The following RPGRIP1 variants were observed in gnomAD, a reference collection of about 807,000 sequenced individuals.
RPGRIP1 encodes RPGR interacting protein 1.
A neutral mutation model predicts 157.9 loss-of-function variants in RPGRIP1; 128 were observed. The ratio of observed to expected loss-of-function variants is 0.81; its 90% CI spans 0.70 to 0.94. The LOEUF is 0.94. Among genes scored for constraint, RPGRIP1 ranks in the 40% least tolerant of loss-of-function variants. RPGRIP1 has a pLI of 0.00. For missense variants in RPGRIP1, 1,486 were observed against 1,545.8 expected (o/e 0.96, Z 0.65); for synonymous variants, 554 against 571.6 (o/e 0.97, Z 0.44).
intron 11 of RPGRIP1, among the ~76,000 whole-genome samples, chr14:21,319,407 C>T (rs566066633): frequency 1.2e-3 from 190 of 152,188 alleles, no homozygotes; most frequent in Middle Eastern, 3.4e-3. Context: ...ACTAAAAACA[C>T]GAAAATTAGC....
chr14:21,319,875 T>G, intron 11 of RPGRIP1, 142 bp from the exon 12 acceptor site: 1 of 851,642 alleles, frequency 1.2e-6, no homozygotes, highest in Non-Finnish European at 1.8e-6. Context: ...AGTCCTCCTC[T>G]GTAGAAATAA....
rs781016864 is a variant in RPGRIP1, at chr14:21,321,321, A to G, written c.1530A>G (p.Val510=). ...KLSQVLNELQ[V]SHAETTLELE... is the part of the protein sequence containing the mutation. ...CCCAGGTGCTAAATGAGTTGCAAGT[A>G]TCACACGCAGAGACCACATTGGAAC... Residue 510 remains valine (V), a synonymous_variant, in exon 13 of 25, where the codon GTA becomes GTG. Transcript: ENST00000400017. 6.2e-7 allele frequency: 1 copy of G among 1,614,038 alleles called. No individual in the cohort carries two copies. Among genetic ancestry groups the G allele is most frequent in the South Asian group, 1.1e-5 (1 of 91,078 alleles).
intron 22 of RPGRIP1, among the ~76,000 whole-genome samples, 174 bp downstream of exon 22, chr14:21,343,402 A>G (rs1331312702): frequency 6.6e-6 from 1 of 152,212 alleles, no homozygotes; most frequent in Non-Finnish European, 1.5e-5. Context: ...TAAACATTTT[A>G]CATGAAGCAG....
rs1882902603 is a variant in RPGRIP1 at position 21,324,934 on chromosome 14, C to G, written c.2079C>G (p.Tyr693Ter). Residue 693 changes from tyrosine (Y) to a stop codon, truncating the protein, a stop_gained, in exon 15 of 25, where the codon TAC (tyrosine) becomes TAG (stop). Transcript: ENST00000400017. LOFTEE classifies it high-confidence loss of function. ...VMETDSLFLH[Y>*]LQEASARLDI... ...AGACAGATTCGCTTTTCTTACACTACCTTCAAGAGGCTTCAGCCCGGCTTG... is the reference window on the plus strand; with the variant it reads ...AGACAGATTCGCTTTTCTTACACTAGCTTCAAGAGGCTTCAGCCCGGCTTG... 6.2e-7 allele frequency: 1 copy of G among 1,614,026 alleles called. No homozygotes were observed. The highest frequency in any genetic ancestry group is 2.2e-5 in the East Asian group (1 of 44,892).
Position 21,310,612 on chromosome 14 carries a change from T to G in RPGRIP1, c.930+5T>G, listed in dbSNP as rs1881502058. The G allele has an allele frequency of 6.9e-7, 1 of 1,455,608 alleles. No homozygotes were observed. Among genetic ancestry groups the G allele is most frequent in the Admixed American group, 2.3e-5 (1 of 43,630 alleles). 90.2% of individuals were successfully genotyped at this position (1,455,608 alleles called of 1,614,324 possible). ...TACGAAACCTTGCTCCAGAAGGTAC[T>G]TAATGAGAATTGAGTCTCTGTTTCT... is the stretch of plus-strand genomic sequence containing the variant. On this transcript the variant is annotated splice_donor_5th_base_variant and intron_variant, in intron 8 of 24. Coordinates refer to ENST00000400017, the MANE Select transcript of RPGRIP1 (RefSeq NM_020366.4).
At position 21,311,840 on chromosome 14, in the gene RPGRIP1, G is replaced by A; in HGVS notation, c.947G>A (p.Ser316Asn). The A allele has an allele frequency of 6.2e-7, 1 of 1,606,978 alleles. No individual in the cohort carries two copies. Among genetic ancestry groups the A allele is most frequent in the Non-Finnish European group, 8.5e-7 (1 of 1,177,564 alleles). The part of the protein sequence containing the change: ...TLLQKNQGIL[S>N]AAHEALLKQV... ...TTGACCCAGAATCAGGGAATCCTGA[G>A]TGCAGCCCATGAGGCCCTCCTCAAG... is the stretch of plus-strand genomic sequence containing the variant. The change falls in exon 9 of 25, where the codon AGT becomes AAT. Residue 316 changes from serine (S) to asparagine (N), a missense_variant. Ser to Asn is a conservative substitution (Grantham distance 46). Transcript: ENST00000400017.
Position 21,286,447 on chromosome 14 carries a change from T to C in RPGRIP1, c.-38-1492T>C, listed in dbSNP as rs189969051. Among the ~76,000 whole-genome samples the C allele has an allele frequency of 1.0e-3, 154 of 151,004 alleles. 2 individuals carry two copies. The Middle Eastern group carries it at 0.034, about 33-fold the overall frequency. ...TGGTAAGATAAATCAAAATTCCTGT[T>C]GGGGAAAAGTGAATTTGAGATATCT... On this transcript the variant is annotated intron_variant, in intron 1 of 24. Transcript: ENST00000400017.
At chr14:21,294,541 C>G (rs1880679257) in intron 2 of RPGRIP1, 136 bp from the exon 3 acceptor site, 13 of 877,602 alleles carry the variant, frequency 1.5e-5, no homozygotes, top group Middle Eastern at 2.6e-4. Flanking sequence ...AGTCATTTCT[C>G]ATACTTCCTG....
chr14:21,295,530 C>G (rs1475308750), intron 3 of RPGRIP1, among the ~76,000 whole-genome samples: 1 of 137,958 alleles, frequency 7.2e-6, no homozygotes, highest in Non-Finnish European at 1.5e-5. Flanking sequence ...GTTGCCCAGG[C>G]TGGAGCGCAA....
intron 20 of RPGRIP1, among the ~76,000 whole-genome samples, chr14:21,331,868 A>T (rs1412824877): frequency 1.3e-5 from 2 of 151,772 alleles, no homozygotes; most frequent in Non-Finnish European, 2.9e-5. Context: ...AAATATTATG[A>T]AAAGAGAGTC....
intron 22 of RPGRIP1, among the ~76,000 whole-genome samples, chr14:21,343,898 T>G (rs1440502573): frequency 0.029 from 3,200 of 110,532 alleles, 307 homozygotes; most frequent in African/African-American, 0.095. Flanking sequence ...TTTTTTTTTT[T>G]TTTTTTTTTG....
chr14:21,310,506 G>T, intron 7 of RPGRIP1, 78 bp from the exon 8 acceptor site: 1 of 705,590 alleles, frequency 1.4e-6, no homozygotes, highest in Non-Finnish European at 2.3e-6. Flanking sequence ...CTTTAAAAAT[G>T]TTAAGCATTA....
intron 8 of RPGRIP1, 176 bp downstream of exon 8, chr14:21,310,783 ACTTATT>A: frequency 1.5e-6 from 1 of 670,978 alleles, no homozygotes; most frequent in Admixed American, 2.3e-5. Context: ...AGATACAGAT[ACTTATT>A]GCACTGTTTT....
intron 2 of RPGRIP1, among the ~76,000 whole-genome samples, chr14:21,293,772 G>A (rs996958299): frequency 5.9e-5 from 9 of 152,110 alleles, no homozygotes; most frequent in East Asian, 1.9e-4. Context: ...CCAGGTACTC[G>A]GGAGGCTGAG....
chr14:21,311,917 A>C lies in RPGRIP1; in HGVS notation c.1024A>C (p.Ser342Arg), dbSNP rs1881555791. 2 of 1,613,252 alleles carry C rather than the reference A, an allele frequency of 1.2e-6. No individual in the cohort carries two copies. The highest frequency in any genetic ancestry group is 2.7e-5 in the African/African-American group (2 of 74,930). The change falls in exon 9 of 25, where the codon AGC becomes CGC. Residue 342 changes from serine (S) to arginine (R), a missense_variant. Ser to Arg is a moderately radical substitution (Grantham distance 110, BLOSUM62 -1). Coordinates refer to ENST00000400017, the MANE Select transcript of RPGRIP1 (RefSeq NM_020366.4). ...GAAGGAAGAAAGCAAGAAGGCTGTG[A>C]GCTTGAAGAGCCAACTGGAAGATGT... ...ELKEESKKAV[S>R]LKSQLEDVSI...
chr14:21,325,107 A>G, intron 15 of RPGRIP1, 37 bp downstream of exon 15: 1 of 1,565,272 alleles, frequency 6.4e-7, no homozygotes, highest in Non-Finnish European at 8.7e-7. Context: ...CCTAAGCACC[A>G]ATGCAGAATT....
At chr14:21,280,434 C>T (rs1166007289) in intron 1 of RPGRIP1, among the ~76,000 whole-genome samples, 1 of 151,876 alleles carries the variant, frequency 6.6e-6, no homozygotes, top group African/African-American at 2.4e-5. Context: ...TTAGTAGAGA[C>T]GGGGTTTCAC....
Position 21,337,834 on chromosome 14 carries a change from C to A in RPGRIP1, c.3339+3129C>A, listed in dbSNP as rs577844204. 1.8e-4 allele frequency among the ~76,000 whole-genome samples: 27 copies of A among 149,484 alleles called. 2 individuals are homozygous for A. In the South Asian group the frequency reaches 5.5e-3, roughly 31 times the overall value. ...GCAGTGGCACCATCTTGGCTAACTG[C>A]AACCTCCGCCTCCCGGGTTCAAGCG... On this transcript the variant is annotated intron_variant, in intron 21 of 24. Transcript: ENST00000400017.
Position 21,304,806 on chromosome 14 carries a change from C to CT in RPGRIP1, c.800+1276dup, listed in dbSNP as rs879415682. 1.2e-3 allele frequency among the ~76,000 whole-genome samples: 179 copies of CT among 144,006 alleles called. 1 individual carries two copies. The highest frequency in any genetic ancestry group is 2.5e-3 in the African/African-American group (98 of 39,502). The allele number at this position is 144,006 out of a possible 152,430, so 94.5% of individuals were successfully genotyped here. On this transcript the variant is annotated intron_variant, in intron 6 of 24. Transcript: ENST00000400017. Reference sequence around the variant, plus strand: ...GGGTTCATTCTTGGTGTTGTACATTCTTTTTTTTTTTTTGAGATGGAGTCT... The same window carrying CT: ...GGGTTCATTCTTGGTGTTGTACATTCTTTTTTTTTTTTTTGAGATGGAGTCT...
Sources: gnomAD v4.1 joint callset for allele counts (sites outside exome capture counted in the v4.1 genomes callset) on GRCh38, gnomAD v4.1.1 for gene constraint, MANE v1.5 for transcripts, NCBI Gene and HGNC (gene_info 2026-07-23, HGNC 2026-07-21) for gene names.